IVD: variants seen among roughly 807,000 people sequenced by gnomAD.
The protein encoded by IVD is isovaleryl-CoA dehydrogenase, mitochondrial.
Under a neutral mutation model 51.3 loss-of-function variants are expected in IVD, and 31 were observed. That is an observed-to-expected ratio of 0.60 (90% confidence interval 0.45 to 0.81). The LOEUF is 0.81. IVD is among the 40% of genes least tolerant of loss of function. The pLI, the probability that IVD is intolerant of heterozygous loss-of-function variation, is 0.00. For missense variants in IVD, 475 were observed against 552.0 expected, an observed-to-expected ratio of 0.86 and a Z score of 1.40; for synonymous variants, 205 against 219.4, an observed-to-expected ratio of 0.93 and a Z score of 0.58.
downstream of IVD, among the ~76,000 whole-genome samples, chr15:40,428,257 G>A (rs1892779993): frequency 6.6e-6 from 1 of 151,724 alleles, no homozygotes; most frequent in Admixed American, 6.6e-5. Flanking sequence ...AGAGAGCTGA[G>A]ATCTGCTCTC....
chr15:40,429,665 T>A (rs982786969), intron 7 of IVD, among the ~76,000 whole-genome samples: 1 of 152,176 alleles, frequency 6.6e-6, no homozygotes. Flanking sequence ...ACCAACCTTA[T>A]CTAGATGAAA....
At chr15:40,429,077 C>G (rs1353959910), downstream of IVD, among the ~76,000 whole-genome samples, 1 of 152,200 alleles carries the variant, frequency 6.6e-6, no homozygotes, top group African/African-American at 2.4e-5. Context: ...CTCCGCCCAG[C>G]CTGCCCACTC....
intron 7 of IVD, among the ~76,000 whole-genome samples, chr15:40,414,224 T>C (rs182913518): frequency 3.9e-5 from 6 of 152,310 alleles, no homozygotes; most frequent in African/African-American, 1.4e-4. Flanking sequence ...CGCCTATCAC[T>C]GACAGCCCAA....
intron 3 of IVD, among the ~76,000 whole-genome samples, chr15:40,408,951 A>G (rs1437138533): frequency 6.6e-6 from 1 of 151,312 alleles, no homozygotes; most frequent in African/African-American, 2.4e-5. Context: ...CTCCGTTTCA[A>G]AAAAAAAAGC....
intron 7 of IVD, among the ~76,000 whole-genome samples, chr15:40,413,443 T>A (rs1891301285): frequency 6.6e-6 from 1 of 152,154 alleles, no homozygotes. Flanking sequence ...ATTTTAAAAA[T>A]GAGTTATTCA....
At chr15:40,426,684 G>A (rs1054147697), downstream of IVD, among the ~76,000 whole-genome samples, 1 of 152,160 alleles carries the variant, frequency 6.6e-6, no homozygotes, top group Admixed American at 6.5e-5. Flanking sequence ...ATTCAAAACT[G>A]TTTTCCAAAG....
chr15:40,434,091 G>C (rs569035305), intron 8 of IVD, among the ~76,000 whole-genome samples: 1 of 152,290 alleles, frequency 6.6e-6, no homozygotes, highest in East Asian at 1.9e-4. Context: ...GCCCCACATG[G>C]GCAAGGTGGG....
At chr15:40,422,197 GACTCA>G (rs1480147192), downstream of IVD, among the ~76,000 whole-genome samples, 2 of 151,332 alleles carry the variant, frequency 1.3e-5, no homozygotes, top group East Asian at 4.0e-4. Context: ...GGGATTTCAG[GACTCA>G]ACGACGTTTT....
chr15:40,422,585 C>CTTTTTTTTTTTT (rs1157351420), downstream of IVD, among the ~76,000 whole-genome samples: 207 of 69,134 alleles, frequency 3.0e-3, 26 homozygotes, highest in African/African-American at 5.0e-3. Context: ...GCCCGGCCGA[C>CTTTTTTTTTTTT]TTTTTTTTTT....
Position 40,420,124 on chromosome 15 carries a change from T to C in IVD, c.*1861T>C. ...TCTCAAAAAATAATAATAAAATAAA[T>C]GAACACACATGCTGCTGAGTCCGCA... On this transcript the variant is annotated 3_prime_UTR_variant, in exon 12 of 12. Coordinates refer to ENST00000487418, the MANE Select transcript of IVD (RefSeq NM_002225.5). 1.0e-6 allele frequency: 1 copy of C among 981,070 alleles called. No individual in the cohort carries two copies. Among genetic ancestry groups the C allele is most frequent in the Non-Finnish European group, 1.2e-6 (1 of 828,710 alleles). The allele number at this position is 981,070 out of a possible 1,614,324, so 60.8% of individuals were successfully genotyped here. A position where few individuals can be genotyped will look rare whatever the true frequency, so the allele number is the denominator to read the frequency against.
chr15:40,406,868 T>TC (rs1341208736), intron 1 of IVD, among the ~76,000 whole-genome samples: 1 of 150,646 alleles, frequency 6.6e-6, no homozygotes, highest in East Asian at 1.9e-4. Context: ...TTTTTTCTTT[T>TC]TTTTTTTTTT....
chr15:40,406,494 T>C (rs1890432763), intron 1 of IVD: 1 of 508,864 alleles, frequency 2.0e-6, no homozygotes, highest in African/African-American at 2.0e-5. Context: ...GAACAAGTAC[T>C]TGAAAGAAGT....
downstream of IVD, among the ~76,000 whole-genome samples, chr15:40,423,496 C>G (rs555005094): frequency 6.6e-6 from 1 of 152,310 alleles, no homozygotes; most frequent in Admixed American, 6.5e-5. Flanking sequence ...ATCTTGCGCT[C>G]TCTCGCCCAT....
chr15:40,425,834 G>C (rs1443217465), downstream of IVD, among the ~76,000 whole-genome samples: 1 of 151,766 alleles, frequency 6.6e-6, no homozygotes, highest in Non-Finnish European at 1.5e-5. Flanking sequence ...TTTTGAGACA[G>C]GGCCTCACTT....
chr15:40,408,956 A>G (rs576938312), intron 3 of IVD, among the ~76,000 whole-genome samples: 72 of 152,276 alleles, frequency 4.7e-4, no homozygotes, highest in African/African-American at 1.7e-3. Flanking sequence ...TTTCAAAAAA[A>G]AAAGCCCAGC....
At chr15:40,431,918 T>C (rs1015754348) in intron 7 of IVD, among the ~76,000 whole-genome samples, 3 of 151,978 alleles carry the variant, frequency 2.0e-5, no homozygotes, top group African/African-American at 7.2e-5. Flanking sequence ...TATAGTATAA[T>C]ATTCACAAAT....
chr15:40,423,505 A>G (rs1030174869), downstream of IVD, among the ~76,000 whole-genome samples: 5 of 152,216 alleles, frequency 3.3e-5, no homozygotes, highest in African/African-American at 1.2e-4. Flanking sequence ...TCTCTCGCCC[A>G]TGCTGGAGTA....
downstream of IVD, among the ~76,000 whole-genome samples, chr15:40,425,194 G>A (rs8040128): frequency 0.47 from 70,850 of 152,026 alleles, 18,431 homozygotes; most frequent in East Asian, 0.79. Context: ...ATATGGGAGA[G>A]TATATACATG....
chr15:40,414,926 C>T lies in IVD; in HGVS notation c.822C>T (p.Tyr274=), dbSNP rs375580399. Residue 274 remains tyrosine, a synonymous_variant, in exon 8 of 12, where the codon TAC becomes TAT. Transcript: ENST00000487418. ...TGGGCCATGAGAATAAGGGTGTCTACGTGCTGATGAGTGGGCTGGACCTGG... is the reference window on the plus strand; with the variant it reads ...TGGGCCATGAGAATAAGGGTGTCTATGTGCTGATGAGTGGGCTGGACCTGG... ...NILGHENKGV[Y]VLMSGLDLER... 12 of 1,613,984 alleles carry T rather than the reference C, an allele frequency of 7.4e-6. No homozygotes were observed. The Middle Eastern group carries it at 4.9e-4, about 66-fold the overall frequency.
Sources: allele counts gnomAD v4.1 joint callset (sites outside exome capture counted in the v4.1 genomes callset), GRCh38; gene constraint gnomAD v4.1.1; transcripts MANE v1.5; gene names NCBI Gene and HGNC (gene_info 2026-07-23, HGNC 2026-07-21).